The following OXSR1 variants were observed in gnomAD, a reference collection of about 807,000 sequenced individuals.
OXSR1 encodes serine/threonine-protein kinase OSR1.
A neutral mutation model predicts 79.8 loss-of-function variants in OXSR1; 24 were observed. The ratio of observed to expected loss-of-function variants is 0.30; its 90% CI spans 0.22 to 0.42. The LOEUF is 0.42. Among genes scored for constraint, OXSR1 ranks in the 10% least tolerant of loss-of-function variants. OXSR1 has a pLI of 1.00. For missense variants in OXSR1, 430 were observed against 618.4 expected (o/e 0.70, Z 3.23); for synonymous variants, 226 against 209.2 (o/e 1.08, Z -0.69).
intron 4 of OXSR1, among the ~76,000 whole-genome samples, chr3:38,205,604 C>G (rs1702251159): frequency 6.6e-6 from 1 of 152,202 alleles, no homozygotes; most frequent in African/African-American, 2.4e-5. Context: ...CACTGATGAC[C>G]TTCTCCTGCT....
chr3:38,217,415 C>G (rs1019446546), intron 5 of OXSR1, among the ~76,000 whole-genome samples: 7 of 152,208 alleles, frequency 4.6e-5, no homozygotes, highest in Non-Finnish European at 1.0e-4. Flanking sequence ...TCGTCCGTAT[C>G]TGTGCCACAG....
intron 9 of OXSR1, 49 bp from the exon 10 acceptor site, chr3:38,230,316 T>G (rs540557963): frequency 1.7e-6 from 2 of 1,190,038 alleles, no homozygotes; most frequent in African/African-American, 3.1e-5. Flanking sequence ...GGGTTTTTTT[T>G]GGTACCTTAA....
chr3:38,209,377 C>G (rs997004262), intron 4 of OXSR1, among the ~76,000 whole-genome samples: 1 of 151,968 alleles, frequency 6.6e-6, no homozygotes, highest in Non-Finnish European at 1.5e-5. Flanking sequence ...ACTACTATGC[C>G]TGGCTATTTT....
chr3:38,251,457 G>C lies in OXSR1; in HGVS notation c.1430G>C (p.Arg477Thr). The C allele has an allele frequency of 6.2e-7, 1 of 1,612,938 alleles. No homozygotes were observed. Among genetic ancestry groups the C allele is most frequent in the Non-Finnish European group, 8.5e-7 (1 of 1,178,982 alleles). The change falls in exon 16 of 18, where the codon AGG (arginine) becomes ACG (threonine). Residue 477 changes from arginine (R) to threonine (T), a missense_variant. Physicochemically the swap from Arg to Thr is moderately conservative, Grantham distance 71. Around this residue, in one of 3 missense-constraint regions of OXSR1, gnomAD observed 276 missense variants for 354.2 expected, o/e 0.78. Transcript: ENST00000311806. ...ATTTCTGCTGGCCTGGTCGACGGAA[G>C]GGATTTAGTAATAGGTAACTCCATT... The part of the protein sequence containing the change: ...ELISAGLVDG[R>T]DLVIVAANLQ...
chr3:38,203,886 G>A (rs1474749666), intron 4 of OXSR1, among the ~76,000 whole-genome samples: 1 of 152,122 alleles, frequency 6.6e-6, no homozygotes, highest in Non-Finnish European at 1.5e-5. Flanking sequence ...ATCAGCAGAT[G>A]GCAAAGCCAG....
At chr3:38,200,912 T>A (rs561179111) in intron 4 of OXSR1, among the ~76,000 whole-genome samples, 50 of 152,342 alleles carry the variant, frequency 3.3e-4, no homozygotes, top group Non-Finnish European at 5.9e-4. Flanking sequence ...GATTCATTGG[T>A]CCCATGCTAG....
At chr3:38,193,166 A>G (rs1411525110) in intron 3 of OXSR1, 1 of 636,896 alleles carries the variant, frequency 1.6e-6, no homozygotes, top group Non-Finnish European at 2.5e-6. Flanking sequence ...ATCATCCACC[A>G]CTGTGCTGAC....
At chr3:38,249,358 T>G (rs1005949310) in intron 14 of OXSR1, among the ~76,000 whole-genome samples, 1 of 152,136 alleles carries the variant, frequency 6.6e-6, no homozygotes, top group African/African-American at 2.4e-5. Flanking sequence ...ATATAGTAAC[T>G]CTGCTACCAG....
chr3:38,175,818 T>G (rs574940229), intron 1 of OXSR1, among the ~76,000 whole-genome samples: 22 of 152,110 alleles, frequency 1.4e-4, no homozygotes, highest in African/African-American at 5.1e-4. Flanking sequence ...AAGAACTAAC[T>G]AGGAGAGGAC....
chr3:38,253,009 C>A lies in OXSR1; in HGVS notation c.*118C>A. 2.8e-6 allele frequency: 2 copies of A among 710,864 alleles called. No homozygotes were observed. 44.0% of individuals were successfully genotyped at this position (710,864 alleles called of 1,614,324 possible). On this transcript the variant is annotated 3_prime_UTR_variant, in exon 18 of 18. Transcript: ENST00000311806. ...CAGCAACAAACCTCCCGGCTAGGAG[C>A]TTTAGAAGTCTTTATGTTCTTCCTG... is the stretch of plus-strand genomic sequence containing the variant.
intron 16 of OXSR1, 61 bp from the exon 17 acceptor site, chr3:38,252,267 T>C (rs898819551): frequency 8.8e-7 from 1 of 1,136,536 alleles, no homozygotes; most frequent in African/African-American, 1.5e-5. Flanking sequence ...TTTTAAAATA[T>C]GGTTGAAAGT....
chr3:38,251,085 G>A (rs1319852192), intron 15 of OXSR1, among the ~76,000 whole-genome samples: 1 of 152,144 alleles, frequency 6.6e-6, no homozygotes, highest in Admixed American at 6.5e-5. Flanking sequence ...AAAAATTGTT[G>A]CCTTAGTTTT....
chr3:38,245,011 C>G (rs149957390), intron 12 of OXSR1, among the ~76,000 whole-genome samples: 157 of 152,152 alleles, frequency 1.0e-3, no homozygotes, highest in African/African-American at 3.6e-3. Context: ...AATTTGGAAG[C>G]TAATAGTCTT....
chr3:38,173,276 A>T (rs1019402040), intron 1 of OXSR1, among the ~76,000 whole-genome samples: 24 of 152,316 alleles, frequency 1.6e-4, no homozygotes, highest in African/African-American at 3.8e-4. Flanking sequence ...ATTTTTTTTT[A>T]AAATGAAAAT....
chr3:38,172,406 C>T (rs184059771), intron 1 of OXSR1, among the ~76,000 whole-genome samples: 7 of 152,124 alleles, frequency 4.6e-5, no homozygotes, highest in Admixed American at 2.6e-4. Context: ...GTTTTATTGC[C>T]CTGCATCTTG....
Position 38,254,267 on chromosome 3 carries a change from G to T in OXSR1, c.*1376G>T, listed in dbSNP as rs1575382471. 1 of 398,798 alleles carries T rather than the reference G, an allele frequency of 2.5e-6. No homozygotes were observed. Among genetic ancestry groups the T allele is most frequent in the Non-Finnish European group, 4.4e-6 (1 of 225,888 alleles). The allele number at this position is 398,798 out of a possible 1,614,324, so 24.7% of individuals were successfully genotyped here. ...CCAGCACTGTTGGTCTGATGAACAA[G>T]GTTGTTTTACCTTATTTTCTCTTGG... On this transcript the variant is annotated 3_prime_UTR_variant, in exon 18 of 18. Coordinates refer to ENST00000311806, the MANE Select transcript of OXSR1 (RefSeq NM_005109.3).
chr3:38,204,824 G>A (rs1702236409), intron 4 of OXSR1, among the ~76,000 whole-genome samples: 1 of 150,914 alleles, frequency 6.6e-6, no homozygotes, highest in Non-Finnish European at 1.5e-5. Context: ...CCCCATTGGT[G>A]TCTCACTGGG....
At chr3:38,164,821 CGA>C (rs1701399197), upstream of OXSR1, among the ~76,000 whole-genome samples, 1 of 152,144 alleles carries the variant, frequency 6.6e-6, no homozygotes. Context: ...GGTGGACCCG[CGA>C]GAGACAGCGC....
chr3:38,177,095 A>G (rs1701689159), intron 1 of OXSR1, among the ~76,000 whole-genome samples: 1 of 152,238 alleles, frequency 6.6e-6, no homozygotes. Context: ...ACACATCTGC[A>G]TATTAGAAGA....
Sources: allele counts gnomAD v4.1 joint callset (sites outside exome capture counted in the v4.1 genomes callset), GRCh38; gene constraint gnomAD v4.1.1; regional missense constraint gnomAD v4.1.1; transcripts MANE v1.5; gene names NCBI Gene and HGNC (gene_info 2026-07-23, HGNC 2026-07-21).